The following RFX8 variants were observed in gnomAD, a reference collection of about 807,000 sequenced individuals.
RFX8 encodes the protein regulatory factor X8.
RFX8 carries 46 observed loss-of-function variants against 54.6 expected under a neutral mutation model. That is an observed-to-expected ratio of 0.84 (90% CI 0.67 to 1.08). The LOEUF (loss-of-function observed/expected upper bound fraction) is 1.08, where lower values mean the gene tolerates loss of function less well. RFX8 is among the 50% of genes least tolerant of loss of function. The pLI, the probability that RFX8 is intolerant of heterozygous loss-of-function variation, is 0.00. For missense variants in RFX8, 536 were observed against 562.3 expected (o/e 0.95, Z 0.47); for synonymous variants, 192 against 209.5 (o/e 0.92, Z 0.72).
chr2:101,414,735 G>C, intron 7 of RFX8, 119 bp downstream of exon 7: 1 of 736,430 alleles, frequency 1.4e-6, no homozygotes, highest in Non-Finnish European at 2.3e-6. Context: ...AGGCCACCCT[G>C]CCTGCCCTCT....
intron 2 of RFX8, among the ~76,000 whole-genome samples, chr2:101,461,850 C>G (rs180692155): frequency 1.3e-5 from 2 of 152,078 alleles, no homozygotes; most frequent in Non-Finnish European, 2.9e-5. Flanking sequence ...CCAAAGCGCA[C>G]GCAAAAGTCC....
chr2:101,464,410 G>A (rs1027822370), intron 2 of RFX8, among the ~76,000 whole-genome samples: 4 of 152,160 alleles, frequency 2.6e-5, no homozygotes, highest in Admixed American at 6.5e-5. Context: ...GCCCAGTACC[G>A]CCACAAAGAG....
intron 11 of RFX8, 141 bp from the exon 12 acceptor site, chr2:101,397,865 T>C (rs2104500994): frequency 9.4e-6 from 3 of 319,986 alleles, no homozygotes; most frequent in East Asian, 1.4e-4. Context: ...CATTTATTCC[T>C]TTTTTTTTTT....
intron 10 of RFX8, 94 bp downstream of exon 10, chr2:101,405,849 G>C: frequency 1.5e-6 from 1 of 657,590 alleles, no homozygotes; most frequent in Non-Finnish European, 2.5e-6. Flanking sequence ...AAAAGAAGAC[G>C]GCTGGATTCT....
At chr2:101,446,943 A>G (rs113637873) in intron 2 of RFX8, among the ~76,000 whole-genome samples, 10 of 152,204 alleles carry the variant, frequency 6.6e-5, no homozygotes, top group Non-Finnish European at 1.2e-4. Context: ...CATTATAGCT[A>G]TTCCTTTTCC....
At chr2:101,411,629 A>C (rs190234813) in intron 8 of RFX8, among the ~76,000 whole-genome samples, 1 of 152,204 alleles carries the variant, frequency 6.6e-6, no homozygotes, top group Admixed American at 6.5e-5. Context: ...CAGAATTACT[A>C]ATCAGAATTA....
intron 10 of RFX8, among the ~76,000 whole-genome samples, chr2:101,403,269 CTG>C (rs1277062651): frequency 2.6e-5 from 4 of 152,136 alleles, no homozygotes; most frequent in Non-Finnish European, 5.9e-5. Context: ...GGCATTCCAC[CTG>C]TGAGAGGCGT....
intron 2 of RFX8, among the ~76,000 whole-genome samples, chr2:101,445,015 C>T (rs1230249934): frequency 6.6e-6 from 1 of 152,182 alleles, no homozygotes; most frequent in Non-Finnish European, 1.5e-5. Context: ...CCAGTATCTG[C>T]TCTTATCCAC....
chr2:101,449,072 A>G (rs1270483025), intron 2 of RFX8, among the ~76,000 whole-genome samples: 2 of 152,232 alleles, frequency 1.3e-5, no homozygotes. Context: ...AGAGACAAGA[A>G]GAAATGGCAC....
intron 2 of RFX8, among the ~76,000 whole-genome samples, chr2:101,449,439 C>CA (rs1688560062): frequency 6.6e-6 from 1 of 151,908 alleles, no homozygotes; most frequent in Non-Finnish European, 1.5e-5. Flanking sequence ...TATGGGTTAC[C>CA]AAAAAGAGTG....
chr2:101,468,993 TATATATATA>T (rs1689740530), intron 1 of RFX8, among the ~76,000 whole-genome samples: 1 of 28,394 alleles, frequency 3.5e-5, no homozygotes, highest in African/African-American at 8.1e-5. Context: ...TATATATAAG[TATATATATA>T]CGTATATATA....
chr2:101,436,219 C>T (rs1268564298), intron 2 of RFX8, among the ~76,000 whole-genome samples: 1 of 152,158 alleles, frequency 6.6e-6, no homozygotes, highest in Non-Finnish European at 1.5e-5. Context: ...CTTGAGACTA[C>T]ATTTATTTTA....
chr2:101,438,601 G>T lies in RFX8; in HGVS notation c.73-16129C>A, dbSNP rs150953402. ...CATGCCTCTGGAATAAATGCCCAAG[G>T]TGCAGTTGCTGGTTTGGGTGGTAAA... On this transcript the variant is annotated intron_variant, in intron 2 of 11. Transcript: ENST00000428343. Among the ~76,000 whole-genome samples, 232 of 152,306 alleles carry T rather than the reference G, an allele frequency of 1.5e-3. 1 individual carries two copies. Among genetic ancestry groups the T allele is most frequent in the African/African-American group, 5.3e-3 (219 of 41,562 alleles).
At chr2:101,408,105 G>C (rs1228789576) in intron 9 of RFX8, among the ~76,000 whole-genome samples, 1 of 152,184 alleles carries the variant, frequency 6.6e-6, no homozygotes, top group Non-Finnish European at 1.5e-5. Flanking sequence ...CACAACGATG[G>C]AGACTTGGGA....
intron 6 of RFX8, among the ~76,000 whole-genome samples, chr2:101,416,501 C>T (rs889366280): frequency 6.6e-6 from 1 of 152,104 alleles, no homozygotes. Context: ...TTTGAGAAGT[C>T]CCCTATCTGC....
intron 2 of RFX8, among the ~76,000 whole-genome samples, chr2:101,429,859 G>A (rs1045876369): frequency 1.3e-5 from 2 of 152,202 alleles, no homozygotes; most frequent in African/African-American, 4.8e-5. Flanking sequence ...GACCTGGGAG[G>A]AGGTGGGAGT....
At chr2:101,425,803 G>C (rs1042133586) in intron 2 of RFX8, among the ~76,000 whole-genome samples, 2 of 152,154 alleles carry the variant, frequency 1.3e-5, no homozygotes, top group Non-Finnish European at 2.9e-5. Flanking sequence ...GTAGCGTACA[G>C]AGCCACTAAC....
At chr2:101,429,038 CAG>C (rs1364375572) in intron 2 of RFX8, 9 of 1,493,430 alleles carry the variant, frequency 6.0e-6, no homozygotes, top group South Asian at 3.6e-5. Context: ...GAACAGAAAA[CAG>C]AGAAGTAATT....
chr2:101,411,066 A>G (rs1686096269), intron 8 of RFX8, among the ~76,000 whole-genome samples: 1 of 152,226 alleles, frequency 6.6e-6, no homozygotes, highest in Non-Finnish European at 1.5e-5. Flanking sequence ...CATCTTCATC[A>G]AAGGGCTGGT....
Sources: allele counts gnomAD v4.1 joint callset (sites outside exome capture counted in the v4.1 genomes callset), GRCh38; gene constraint gnomAD v4.1.1; transcripts MANE v1.5; gene names NCBI Gene and HGNC (gene_info 2026-07-23, HGNC 2026-07-21).